The following DCAF17 variants were observed in gnomAD, a reference collection of about 807,000 sequenced individuals.
The protein encoded by DCAF17 is DDB1 and CUL4 associated factor 17.
A neutral mutation model predicts 66.0 loss-of-function variants in DCAF17; 48 were observed. The observed-to-expected ratio is 0.73, with a 90% CI of 0.58 to 0.92. The LOEUF is 0.92. Among genes scored for constraint, DCAF17 ranks in the 40% least tolerant of loss-of-function variants. The pLI, the probability that DCAF17 is intolerant of heterozygous loss-of-function variation, is 0.00. For missense variants in DCAF17, 562 were observed against 622.8 expected (o/e 0.90, Z 1.04); for synonymous variants, 206 against 214.6 (o/e 0.96, Z 0.35).
At chr2:171,435,930 T>G (rs1168589773) in intron 2 of DCAF17, among the ~76,000 whole-genome samples, 1 of 152,184 alleles carries the variant, frequency 6.6e-6, no homozygotes, top group East Asian at 1.9e-4. Context: ...CACAGTTAAT[T>G]TTAGAGCATT....
At chr2:171,459,170 T>TG (rs143237458) in intron 8 of DCAF17, among the ~76,000 whole-genome samples, 1 of 152,134 alleles carries the variant, frequency 6.6e-6, no homozygotes, top group African/African-American at 2.4e-5. Flanking sequence ...TAGCCAGGCG[T>TG]GGTGGCACAT....
chr2:171,436,317 C>G (rs539187113), intron 2 of DCAF17, among the ~76,000 whole-genome samples: 2 of 152,188 alleles, frequency 1.3e-5, no homozygotes, highest in Admixed American at 1.3e-4. Flanking sequence ...TTTATTTTCA[C>G]TTCTCCTAGA....
intron 7 of DCAF17, 115 bp downstream of exon 7, chr2:171,458,190 T>A: frequency 9.0e-7 from 1 of 1,116,206 alleles, no homozygotes; most frequent in Non-Finnish European, 1.3e-6. Context: ...ATTTTGGCTC[T>A]AAAAAACTGT....
intron 8 of DCAF17, among the ~76,000 whole-genome samples, chr2:171,465,676 G>A (rs1238499940): frequency 1.3e-5 from 2 of 151,966 alleles, no homozygotes; most frequent in African/African-American, 2.4e-5. Context: ...GTAGAGGTGG[G>A]GTTTTGCCAC....
chr2:171,479,965 A>G, intron 12 of DCAF17, 73 bp from the exon 13 acceptor site: 4 of 1,532,568 alleles, frequency 2.6e-6, no homozygotes, highest in Non-Finnish European at 3.6e-6. Context: ...CTTAAACTAT[A>G]AATACAGAAA....
At chr2:171,472,593 T>A (rs181652730) in intron 9 of DCAF17, among the ~76,000 whole-genome samples, 2 of 152,342 alleles carry the variant, frequency 1.3e-5, no homozygotes, top group East Asian at 3.9e-4. Context: ...TTCACTTGGA[T>A]ATCTGGTGCA....
At chr2:171,455,028 T>C (rs1181174196) in intron 6 of DCAF17, among the ~76,000 whole-genome samples, 5 of 152,088 alleles carry the variant, frequency 3.3e-5, no homozygotes, top group African/African-American at 9.7e-5. Context: ...AGGTTTGTTA[T>C]ATAGATAAAC....
chr2:171,464,814 A>G (rs1462672368), intron 8 of DCAF17, among the ~76,000 whole-genome samples: 3 of 150,414 alleles, frequency 2.0e-5, no homozygotes, highest in Non-Finnish European at 4.4e-5. Flanking sequence ...CTCTTAACTC[A>G]TACTGAGCTT....
rs556712418 is a variant in DCAF17 at position 171,476,136 on chromosome 2, T to G, written c.1092-724T>G. ...AGCACTCTCTGGACACATAGCTGCT[T>G]CTCTCTGCTGTTCTTTTTTTTTTTG... On this transcript the variant is annotated intron_variant, in intron 10 of 13. Transcript: ENST00000375255. 4.6e-4 allele frequency among the ~76,000 whole-genome samples: 69 copies of G among 150,028 alleles called. 1 individual carries two copies. In the South Asian group the frequency reaches 8.8e-3, roughly 19 times the overall value.
In DCAF17 at chr2:171,484,764, G is replaced by C. The variant is rs774169442; in HGVS notation, c.*3650G>C. 7 of 453,594 alleles carry C rather than the reference G, an allele frequency of 1.5e-5. No individual in the cohort carries two copies. Among genetic ancestry groups the C allele is most frequent in the South Asian group, 1.1e-4 (7 of 64,460 alleles). 28.1% of individuals were successfully genotyped at this position (453,594 alleles called of 1,614,324 possible). A position where few individuals can be genotyped will look rare whatever the true frequency, so the allele number is the denominator to read the frequency against. ...CAGTCTATCCCCTCCCCACCCCTCA[G>C]GTATAACTACTGTTCTCATTCTTTT... On this transcript the variant is annotated 3_prime_UTR_variant, in exon 14 of 14. Transcript: ENST00000375255.
intron 2 of DCAF17, among the ~76,000 whole-genome samples, chr2:171,438,128 G>A (rs1694074922): frequency 6.6e-6 from 1 of 152,128 alleles, no homozygotes; most frequent in Non-Finnish European, 1.5e-5. Flanking sequence ...GTGTTATTTA[G>A]ATGTGTGTTG....
chr2:171,466,065 T>A (rs1003346275), intron 8 of DCAF17, among the ~76,000 whole-genome samples: 1 of 152,028 alleles, frequency 6.6e-6, no homozygotes, highest in Non-Finnish European at 1.5e-5. Flanking sequence ...GGTTTTGCCA[T>A]GTTGCCCAGG....
At chr2:171,471,475 A>G (rs1647642776) in intron 9 of DCAF17, among the ~76,000 whole-genome samples, 2 of 152,210 alleles carry the variant, frequency 1.3e-5, no homozygotes, top group African/African-American at 4.8e-5. Flanking sequence ...CAATCTCCTA[A>G]AAAGATATGT....
Position 171,448,817 on chromosome 2 carries a change from G to A in DCAF17, c.458G>A (p.Arg153Lys). Residue 153 changes from arginine (R) to lysine (K), a missense_variant and splice_region_variant, in exon 4 of 14, where the codon AGA (arginine) becomes AAA (lysine). By Grantham distance (26) the Arg-to-Lys change is conservative. This residue lies in a region of DCAF17 where 348 missense variants were observed against 355.9 expected (regional missense o/e 0.98). Coordinates refer to ENST00000375255, the MANE Select transcript of DCAF17 (RefSeq NM_025000.4). Reference sequence around the variant, plus strand: ...TATCTTGCACCTTATTGCAAATTCAGGTATTTACTGTGAATTTATTATTCA... The same window carrying A: ...TATCTTGCACCTTATTGCAAATTCAAGTATTTACTGTGAATTTATTATTCA... ...KIYLAPYCKF[R>K]YLSWDTPQEV... 1 of 1,610,228 alleles carries A rather than the reference G, an allele frequency of 6.2e-7. No homozygotes were observed.
chr2:171,449,827 A>G lies in DCAF17; in HGVS notation c.459-52A>G. The stretch of plus-strand genomic sequence containing the variant: ...TATAAAATATAATATTTTGGTTTTA[A>G]GTATAAGGAAACTGACCCAAATAAA... On this transcript the variant is annotated intron_variant, in intron 4 of 13. Coordinates refer to ENST00000375255, the MANE Select transcript of DCAF17 (RefSeq NM_025000.4). The G allele has an allele frequency of 1.1e-5, 15 of 1,341,516 alleles. No homozygotes were observed. In the South Asian group the frequency reaches 1.8e-4, roughly 16 times the overall value. 83.1% of individuals were successfully genotyped at this position (1,341,516 alleles called of 1,614,324 possible).
chr2:171,477,165 T>G (rs1404050532), intron 11 of DCAF17, among the ~76,000 whole-genome samples: 1 of 152,168 alleles, frequency 6.6e-6, no homozygotes, highest in Non-Finnish European at 1.5e-5. Flanking sequence ...TTTGCTGATT[T>G]CCGCTTCTTT....
At chr2:171,443,718 G>A (rs961555247) in intron 3 of DCAF17, 105 bp downstream of exon 3, 1 of 872,882 alleles carries the variant, frequency 1.1e-6, no homozygotes, top group Non-Finnish European at 1.9e-6. Flanking sequence ...ATATCATAGT[G>A]ACTCTTGCAT....
At chr2:171,442,563 CA>C (rs1176443561) in intron 2 of DCAF17, among the ~76,000 whole-genome samples, 18,250 of 60,718 alleles carry the variant, frequency 0.3, 932 homozygotes, top group Middle Eastern at 0.34. Context: ...GACTCCATCT[CA>C]AAAAAAAAAA....
At chr2:171,443,802 AT>A (rs1360709060) in intron 3 of DCAF17, among the ~76,000 whole-genome samples, 189 bp downstream of exon 3, 2 of 152,142 alleles carry the variant, frequency 1.3e-5, no homozygotes, top group Non-Finnish European at 2.9e-5. Context: ...AAATACTAAT[AT>A]TATGAATGTG....
Sources: gnomAD v4.1 joint callset for allele counts (sites outside exome capture counted in the v4.1 genomes callset) on GRCh38, gnomAD v4.1.1 for gene constraint, gnomAD v4.1.1 regional missense constraint, MANE v1.5 for transcripts, NCBI Gene and HGNC (gene_info 2026-07-23, HGNC 2026-07-21) for gene names.